Variants in ATP6V1B2 observed in about 807,000 individuals in gnomAD.
ATP6V1B2 encodes ATPase H+ transporting V1 subunit B2.
In ATP6V1B2, 23 loss-of-function variants were observed where a neutral mutation model predicts 66.7. The ratio of observed to expected loss-of-function variants is 0.34; its 90% confidence interval spans 0.25 to 0.49. ATP6V1B2 has a LOEUF of 0.49. Ranked by LOEUF, ATP6V1B2 falls within the 20% of genes least tolerant of loss-of-function variation. ATP6V1B2 has a pLI of 0.99. For missense variants in ATP6V1B2, 478 were observed against 650.8 expected (o/e 0.73, Z 2.89); for synonymous variants, 278 against 236.7 (o/e 1.17, Z -1.60).
Position 20,199,615 on chromosome 8 carries a change from T to G in ATP6V1B2, c.136+2073T>G, listed in dbSNP as rs1254898010. Among the ~76,000 whole-genome samples, 77 of 144,114 alleles carry G rather than the reference T, an allele frequency of 5.3e-4. 1 individual carries two copies. The highest frequency in any genetic ancestry group is 1.9e-3 in the African/African-American group (75 of 38,886). The allele number at this position is 144,114 out of a possible 152,430, so 94.5% of individuals were successfully genotyped here. ...CTTAATTTTTGTGGGTTTTTTTTTT[T>G]TTTTTTTTTTTGAGATGGAGTCTCG... On this transcript the variant is annotated intron_variant, in intron 1 of 13. Transcript: ENST00000276390.
intron 1 of ATP6V1B2, 130 bp downstream of exon 1, chr8:20,197,672 G>T: frequency 8.6e-7 from 1 of 1,168,338 alleles, no homozygotes; most frequent in Non-Finnish European, 1.1e-6. Context: ...CTCCGACCCT[G>T]ACCCACTTGT....
chr8:20,210,456 C>G lies in ATP6V1B2; in HGVS notation c.385+17C>G, dbSNP rs1040526741. ...ATATGCTTGGTAAATGGATATTATT[C>G]ATTCTAAGCCGAGATCTGTTTCCTT... On this transcript the variant is annotated intron_variant, in intron 4 of 13. Coordinates refer to ENST00000276390, the MANE Select transcript of ATP6V1B2 (RefSeq NM_001693.4). The G allele has an allele frequency of 3.1e-6, 5 of 1,609,642 alleles. No individual in the cohort carries two copies. Among genetic ancestry groups the G allele is most frequent in the African/African-American group, 1.3e-5 (1 of 74,750 alleles).
intron 1 of ATP6V1B2, 100 bp from the exon 2 acceptor site, chr8:20,204,384 T>C (rs2072717153): frequency 4.9e-6 from 5 of 1,015,354 alleles, no homozygotes; most frequent in East Asian, 2.4e-5. Context: ...CGTATTCTAA[T>C]AGACATGATA....
chr8:20,199,228 A>G (rs544049374), intron 1 of ATP6V1B2, among the ~76,000 whole-genome samples: 9 of 152,240 alleles, frequency 5.9e-5, no homozygotes, highest in Non-Finnish European at 1.3e-4. Context: ...GTTATTCTTG[A>G]CAAAACTGTT....
In ATP6V1B2 at chr8:20,216,186, C is replaced by G. The variant is rs901549712; in HGVS notation, c.1079-227C>G. The stretch of plus-strand genomic sequence containing the variant: ...AATTAAGTTTTTCAGTTTTGTTAGC[C>G]ACGTTTCAAGTGTTAGATAGCCACA... On this transcript the variant is annotated intron_variant, in intron 10 of 13. Coordinates refer to ENST00000276390, the MANE Select transcript of ATP6V1B2 (RefSeq NM_001693.4). 4.8e-5 allele frequency: 17 copies of G among 352,728 alleles called. No individual in the cohort carries two copies. The East Asian group carries it at 7.5e-4, about 16-fold the overall frequency. The allele number at this position is 352,728 out of a possible 1,614,324, so 21.8% of individuals were successfully genotyped here. A position where few individuals can be genotyped will look rare whatever the true frequency, so the allele number is the denominator to read the frequency against.
chr8:20,204,201 A>C, intron 1 of ATP6V1B2: 1 of 422,914 alleles, frequency 2.4e-6, no homozygotes, highest in African/African-American at 2.0e-5. Context: ...AACTTTTGAG[A>C]CAAGCAGAGT....
intron 2 of ATP6V1B2, among the ~76,000 whole-genome samples, chr8:20,208,783 C>T (rs2072763488): frequency 6.6e-6 from 1 of 150,726 alleles, no homozygotes; most frequent in Non-Finnish European, 1.5e-5. Flanking sequence ...TCTTGGCTCA[C>T]TGCAACCTCC....
chr8:20,206,748 A>G (rs1322821290), intron 2 of ATP6V1B2, among the ~76,000 whole-genome samples: 7 of 152,028 alleles, frequency 4.6e-5, no homozygotes, highest in African/African-American at 1.5e-4. Context: ...CCTAAGCATG[A>G]CTGGTCAAGT....
intron 1 of ATP6V1B2, among the ~76,000 whole-genome samples, chr8:20,199,455 C>T (rs1227375959): frequency 2.6e-5 from 4 of 152,046 alleles, no homozygotes; most frequent in East Asian, 3.8e-4. Context: ...CTTATATATC[C>T]GTGTTATTCT....
chr8:20,212,361 G>A (rs1397453363), intron 8 of ATP6V1B2, among the ~76,000 whole-genome samples, 162 bp downstream of exon 8: 2 of 152,156 alleles, frequency 1.3e-5, no homozygotes, highest in Admixed American at 6.6e-5. Flanking sequence ...TCTGGCACTG[G>A]GCAAATTACT....
At chr8:20,200,486 T>A (rs1043241658) in intron 1 of ATP6V1B2, among the ~76,000 whole-genome samples, 1 of 152,244 alleles carries the variant, frequency 6.6e-6, no homozygotes, top group Non-Finnish European at 1.5e-5. Context: ...AGTTCCACTG[T>A]ACAAATTAGA....
intron 10 of ATP6V1B2, chr8:20,216,146 A>G (rs1400293449): frequency 7.7e-6 from 2 of 260,100 alleles, no homozygotes; most frequent in African/African-American, 2.2e-5. Flanking sequence ...AGTTCAAGTT[A>G]ACTGAAATAA....
chr8:20,215,025 C>A, intron 10 of ATP6V1B2, 57 bp downstream of exon 10: 1 of 1,506,462 alleles, frequency 6.6e-7, no homozygotes, highest in Non-Finnish European at 9.0e-7. Flanking sequence ...GAGAGAAGAC[C>A]CATCTACCTT....
Position 20,211,763 on chromosome 8 carries a change from A to AG in ATP6V1B2, c.705+10_705+11insG, listed in dbSNP as rs80121793. 8 of 1,543,106 alleles carry AG rather than the reference A, an allele frequency of 5.2e-6. No individual in the cohort carries two copies. Among genetic ancestry groups the AG allele is most frequent in the African/African-American group, 1.9e-5 (1 of 53,246 alleles). On this transcript the variant is annotated intron_variant, in intron 7 of 13. Transcript: ENST00000276390. ...ATTTGCTGCTATGGGTGTAAGTAGA[A>AG]TTTTTGTTTTAGTATGATATGTAAA...
intron 2 of ATP6V1B2, among the ~76,000 whole-genome samples, chr8:20,207,330 G>A (rs559123693): frequency 1.4e-4 from 21 of 152,262 alleles, no homozygotes; most frequent in Admixed American, 2.6e-4. Flanking sequence ...GGCCATGGGG[G>A]ACACTGTGCT....
chr8:20,212,014 A>G lies in ATP6V1B2; in HGVS notation c.706-88A>G, dbSNP rs2072800447. On this transcript the variant is annotated intron_variant, in intron 7 of 13. Transcript: ENST00000276390. ...GGTACTTGAGGTTTTAAAAGAAGGAACAATTCAAATCTGTAGCTTGGCTTT... is the reference window on the plus strand; with the variant it reads ...GGTACTTGAGGTTTTAAAAGAAGGAGCAATTCAAATCTGTAGCTTGGCTTT... 5 of 1,278,164 alleles carry G rather than the reference A, an allele frequency of 3.9e-6. No individual in the cohort carries two copies. In the South Asian group the frequency reaches 4.0e-5, roughly 10 times the overall value. The allele number at this position is 1,278,164 out of a possible 1,614,324, so 79.2% of individuals were successfully genotyped here.
chr8:20,208,648 A>T (rs1299052685), intron 2 of ATP6V1B2, among the ~76,000 whole-genome samples: 9 of 151,980 alleles, frequency 5.9e-5, no homozygotes, highest in Non-Finnish European at 1.2e-4. Context: ...TAGGAGAACT[A>T]GATTGAGGAT....
Position 20,197,449 on chromosome 8 carries a change from C to G in ATP6V1B2, c.43C>G (p.Pro15Ala), listed in dbSNP as rs376671385. ...AMRGIVNGAA[P>A]ELPVPTGGPA... ...GCGGGGGATTGTCAACGGGGCCGCA[C>G]CCGAGCTACCCGTGCCCACCGGTGG... The change falls in exon 1 of 14, where the codon CCC becomes GCC. Residue 15 changes from proline to alanine, a missense_variant. Around this residue, in one of 2 missense-constraint regions of ATP6V1B2, gnomAD observed 152 missense variants for 105.2 expected, o/e 1.44. Coordinates refer to ENST00000276390, the MANE Select transcript of ATP6V1B2 (RefSeq NM_001693.4). The G allele has an allele frequency of 4.0e-5, 62 of 1,539,348 alleles. No individual in the cohort carries two copies. The South Asian group carries it at 4.3e-4, about 11-fold the overall frequency.
At chr8:20,200,791 TCTC>T (rs1373342087) in intron 1 of ATP6V1B2, among the ~76,000 whole-genome samples, 20 of 152,206 alleles carry the variant, frequency 1.3e-4, no homozygotes, top group African/African-American at 4.6e-4. Flanking sequence ...ATAGGAATCT[TCTC>T]CTTGCTTTTT....
Sources: allele counts gnomAD v4.1 joint callset (sites outside exome capture counted in the v4.1 genomes callset), GRCh38; gene constraint gnomAD v4.1.1; regional missense constraint gnomAD v4.1.1; transcripts MANE v1.5; gene names NCBI Gene and HGNC (gene_info 2026-07-23, HGNC 2026-07-21).